Variants in TMEM117 observed in about 807,000 individuals in gnomAD.
The protein encoded by TMEM117 is transmembrane protein 117.
Under a neutral mutation model 52.4 loss-of-function variants are expected in TMEM117, and 27 were observed. The observed-to-expected ratio is 0.51, with a 90% confidence interval of 0.38 to 0.71. The LOEUF (loss-of-function observed/expected upper bound fraction) is 0.71. TMEM117 is among the 30% of genes least tolerant of loss of function. The pLI is 0.00. For missense variants in TMEM117, 556 were observed against 630.5 expected (o/e 0.88, Z 1.26); for synonymous variants, 215 against 206.3 (o/e 1.04, Z -0.36).
chr12:44,095,850 T>C (rs1428798986), intron 3 of TMEM117, among the ~76,000 whole-genome samples: 9 of 152,120 alleles, frequency 5.9e-5, no homozygotes, highest in African/African-American at 1.7e-4. Context: ...CAACATAGTG[T>C]TGGAAGTTCT....
At chr12:44,285,533 T>G (rs1950627973) in intron 5 of TMEM117, among the ~76,000 whole-genome samples, 1 of 152,180 alleles carries the variant, frequency 6.6e-6, no homozygotes. Flanking sequence ...TGGCAAACAT[T>G]ACCTTTGTGC....
intron 5 of TMEM117, among the ~76,000 whole-genome samples, chr12:44,238,480 A>G (rs958100837): frequency 2.0e-5 from 3 of 152,030 alleles, no homozygotes; most frequent in Admixed American, 6.6e-5. Flanking sequence ...AACTCAACCT[A>G]CCTGGGCACA....
intron 3 of TMEM117, among the ~76,000 whole-genome samples, chr12:44,011,106 A>C (rs544647453): frequency 6.9e-4 from 105 of 152,312 alleles, no homozygotes; most frequent in South Asian, 3.3e-3. Flanking sequence ...TTGCTTAAGA[A>C]AGTCTTTATT....
At chr12:44,040,545 C>T (rs1946780585) in intron 3 of TMEM117, among the ~76,000 whole-genome samples, 2 of 152,102 alleles carry the variant, frequency 1.3e-5, no homozygotes, top group South Asian at 2.1e-4. Context: ...ATATGTACAT[C>T]TTTCCAGGTT....
At chr12:43,948,334 C>G (rs1945167019) in intron 3 of TMEM117, among the ~76,000 whole-genome samples, 2 of 151,416 alleles carry the variant, frequency 1.3e-5, no homozygotes, top group African/African-American at 2.4e-5. Context: ...GAGACTGAGT[C>G]TCACTCTGTC....
intron 4 of TMEM117, among the ~76,000 whole-genome samples, chr12:44,166,486 G>C (rs772162246): frequency 1.3e-5 from 2 of 152,130 alleles, no homozygotes; most frequent in Non-Finnish European, 2.9e-5. Flanking sequence ...AAAACAACTT[G>C]ATTTCCTTCA....
chr12:44,252,853 C>T (rs1950211602), intron 5 of TMEM117, among the ~76,000 whole-genome samples: 1 of 152,184 alleles, frequency 6.6e-6, no homozygotes, highest in Admixed American at 6.6e-5. Context: ...GTCAGTCCCA[C>T]TCCTGTCCAG....
intron 3 of TMEM117, among the ~76,000 whole-genome samples, chr12:44,059,014 A>G (rs1371315504): frequency 6.6e-6 from 1 of 152,166 alleles, no homozygotes; most frequent in Non-Finnish European, 1.5e-5. Context: ...TTAGATCATC[A>G]GGCATTAGTT....
intron 2 of TMEM117, among the ~76,000 whole-genome samples, chr12:43,880,641 A>C (rs571133786): frequency 1.2e-4 from 18 of 152,292 alleles, no homozygotes; most frequent in African/African-American, 3.8e-4. Context: ...CTGCAGGCTG[A>C]GACAGTCTCC....
intron 4 of TMEM117, among the ~76,000 whole-genome samples, chr12:44,171,380 C>G (rs1236996047): frequency 5.9e-5 from 9 of 152,148 alleles, no homozygotes; most frequent in Non-Finnish European, 1.3e-4. Context: ...TTCTCCTCAA[C>G]TTTTGCCCAT....
At chr12:43,912,764 T>C (rs966448253) in intron 2 of TMEM117, among the ~76,000 whole-genome samples, 4 of 152,078 alleles carry the variant, frequency 2.6e-5, no homozygotes, top group Non-Finnish European at 4.4e-5. Context: ...AATATATGTG[T>C]AGCCTTTAAT....
chr12:44,034,761 T>C (rs1436367916), intron 3 of TMEM117, among the ~76,000 whole-genome samples: 2 of 152,234 alleles, frequency 1.3e-5, no homozygotes, highest in African/African-American at 4.8e-5. Context: ...GACAGTTTTA[T>C]GAGTCAGCTT....
intron 4 of TMEM117, among the ~76,000 whole-genome samples, chr12:44,196,544 C>T (rs1308330995): frequency 3.3e-5 from 5 of 151,940 alleles, no homozygotes; most frequent in Non-Finnish European, 7.4e-5. Flanking sequence ...GAAAATGAAA[C>T]GGTTTGACTA....
chr12:44,184,170 A>G (rs1444956743), intron 4 of TMEM117, among the ~76,000 whole-genome samples: 2 of 152,092 alleles, frequency 1.3e-5, no homozygotes, highest in African/African-American at 4.8e-5. Context: ...ACATGGCGAA[A>G]TCCCGTCTCT....
At chr12:44,324,662 A>G (rs1323461648) in intron 6 of TMEM117, among the ~76,000 whole-genome samples, 1 of 152,164 alleles carries the variant, frequency 6.6e-6, no homozygotes, top group Non-Finnish European at 1.5e-5. Flanking sequence ...ATCTGTGCAC[A>G]TAATTCATAT....
chr12:44,376,465 C>A, intron 6 of TMEM117, 130 bp from the exon 7 acceptor site: 1 of 1,079,030 alleles, frequency 9.3e-7, no homozygotes, highest in Non-Finnish European at 1.4e-6. Context: ...CAGAATGAAA[C>A]TGATATATCC....
At chr12:43,808,791 C>G in the TMEM117 span, among the ~76,000 whole-genome samples, 1 of 116,140 alleles carries the variant, frequency 8.6e-6, no homozygotes, top group Non-Finnish European at 1.6e-5. Flanking sequence ...GCCTGGGCAA[C>G]AGACCCTGTC....
At chr12:43,970,496 A>G (rs761180122) in intron 3 of TMEM117, among the ~76,000 whole-genome samples, 2 of 151,858 alleles carry the variant, frequency 1.3e-5, no homozygotes, top group African/African-American at 4.8e-5. Context: ...CGCCATGTTA[A>G]CCAGGATGGT....
chr12:43,984,343 GGGC>G (rs1349941666), intron 3 of TMEM117, among the ~76,000 whole-genome samples: 1 of 150,218 alleles, frequency 6.7e-6, no homozygotes, highest in Non-Finnish European at 1.5e-5. Flanking sequence ...ACTCCAGCCT[GGGC>G]GACAGAGTGA....
Sources: allele counts gnomAD v4.1 joint callset (sites outside exome capture counted in the v4.1 genomes callset), GRCh38; gene constraint gnomAD v4.1.1; transcripts MANE v1.5; gene names NCBI Gene and HGNC (gene_info 2026-07-23, HGNC 2026-07-21).